Variants in UPP2 observed in about 807,000 individuals in gnomAD.
UPP2 encodes uridine phosphorylase 2.
UPP2 carries 23 observed loss-of-function variants against 26.7 expected under a neutral mutation model. The ratio of observed to expected loss-of-function variants is 0.86; its 90% CI spans 0.62 to 1.22. UPP2 has a LOEUF of 1.22. Among genes scored for constraint, UPP2 ranks in the 50% most tolerant of loss-of-function variants. The pLI, the probability that UPP2 is intolerant of heterozygous loss-of-function variation, is 0.00. For missense variants in UPP2, 387 were observed against 396.7 expected, an observed-to-expected ratio of 0.98 and a Z score of 0.21; for synonymous variants, 127 against 141.3, an observed-to-expected ratio of 0.90 and a Z score of 0.72.
At position 157,995,395 on chromosome 2, in the gene UPP2, T is replaced by A. The variant is rs1055207486; in HGVS notation, c.61+136T>A. 11 of 958,980 alleles carry A rather than the reference T, an allele frequency of 1.1e-5. No homozygotes were observed. The African/African-American group carries it at 1.8e-4, about 16-fold the overall frequency. 59.4% of individuals were successfully genotyped at this position (958,980 alleles called of 1,614,324 possible). On this transcript the variant is annotated intron_variant, in intron 2 of 9. Coordinates refer to the UPP2 transcript ENST00000605860. ...TTCAGCTTCCATCAACTGGCACAAA[T>A]AATTAAGGGATGATGCAACACATAT...
intron 3 of UPP2, among the ~76,000 whole-genome samples, chr2:158,074,440 G>T (rs971271424): frequency 2.6e-5 from 4 of 152,088 alleles, no homozygotes; most frequent in Admixed American, 6.6e-5. Context: ...TAAAGTTAAA[G>T]TGTAGAGTTT....
At chr2:158,018,273 TG>T (rs1683692542) in intron 3 of UPP2, among the ~76,000 whole-genome samples, 1 of 152,246 alleles carries the variant, frequency 6.6e-6, no homozygotes, top group Non-Finnish European at 1.5e-5. Flanking sequence ...AGGGTGCACT[TG>T]TTTACAGAAT....
At chr2:158,082,030 C>T (rs1275873017) in intron 3 of UPP2, among the ~76,000 whole-genome samples, 4 of 151,752 alleles carry the variant, frequency 2.6e-5, no homozygotes, top group Non-Finnish European at 5.9e-5. Context: ...TCACTGCAAC[C>T]TCCACCTCCT....
chr2:158,003,436 G>C (rs1260400761), intron 2 of UPP2, among the ~76,000 whole-genome samples: 3 of 152,132 alleles, frequency 2.0e-5, no homozygotes, highest in Non-Finnish European at 4.4e-5. Flanking sequence ...AGCTGGGCAG[G>C]GTGGCTCATG....
chr2:158,124,207 C>T (rs985402486), intron 6 of UPP2, among the ~76,000 whole-genome samples: 5 of 152,062 alleles, frequency 3.3e-5, no homozygotes, highest in African/African-American at 1.2e-4. Flanking sequence ...TTTATTGAGA[C>T]AAGATACAAA....
chr2:158,013,271 C>T (rs1348892027), intron 2 of UPP2, among the ~76,000 whole-genome samples: 1 of 152,206 alleles, frequency 6.6e-6, no homozygotes, highest in Non-Finnish European at 1.5e-5. Flanking sequence ...GCTGGCATTA[C>T]AGGCATGAGC....
intron 5 of UPP2, among the ~76,000 whole-genome samples, chr2:158,122,675 C>A (rs1332786900): frequency 6.7e-6 from 1 of 149,388 alleles, no homozygotes; most frequent in African/African-American, 2.4e-5. Flanking sequence ...TTAACACCCA[C>A]ATTTCTGGCT....
intron 3 of UPP2, among the ~76,000 whole-genome samples, chr2:158,067,435 A>T (rs947979734): frequency 4.6e-5 from 7 of 151,920 alleles, no homozygotes; most frequent in Admixed American, 4.6e-4. Flanking sequence ...ATCAGGAGTG[A>T]AGACAAAGAA....
chr2:158,019,842 A>G (rs763899666), intron 3 of UPP2, among the ~76,000 whole-genome samples: 1 of 152,162 alleles, frequency 6.6e-6, no homozygotes, highest in Non-Finnish European at 1.5e-5. Context: ...AGTTTTTTAG[A>G]GTGATAGATC....
chr2:158,007,344 A>G (rs1683507345), intron 2 of UPP2, among the ~76,000 whole-genome samples: 1 of 152,174 alleles, frequency 6.6e-6, no homozygotes, highest in African/African-American at 2.4e-5. Context: ...TCCAAGCCCA[A>G]GCTCTTTCCA....
intron 2 of UPP2, among the ~76,000 whole-genome samples, chr2:158,108,298 G>A (rs1683236940): frequency 6.6e-6 from 1 of 151,962 alleles, no homozygotes; most frequent in African/African-American, 2.4e-5. Context: ...GAAAACACAG[G>A]CTCAAATATA....
chr2:158,002,857 T>A (rs1167226413), intron 2 of UPP2, among the ~76,000 whole-genome samples: 2 of 152,238 alleles, frequency 1.3e-5, no homozygotes, highest in Non-Finnish European at 2.9e-5. Flanking sequence ...GTGGTGACTT[T>A]GCTGCTTGGG....
intron 3 of UPP2, among the ~76,000 whole-genome samples, chr2:158,029,206 CTAGTT>C (rs1683885790): frequency 6.6e-6 from 1 of 152,142 alleles, no homozygotes; most frequent in African/African-American, 2.4e-5. Context: ...AACAAAATAT[CTAGTT>C]TAAACTAATA....
intron 3 of UPP2, among the ~76,000 whole-genome samples, chr2:158,089,726 TCAGCTCCAGGTAA>T (rs993506239): frequency 6.6e-6 from 1 of 152,206 alleles, no homozygotes; most frequent in African/African-American, 2.4e-5. Context: ...TAAATTCATC[TCAGCTCCAGGTAA>T]GGTCAAATCC....
chr2:158,072,634 A>C (rs1682560828), intron 3 of UPP2, among the ~76,000 whole-genome samples: 1 of 145,486 alleles, frequency 6.9e-6, no homozygotes, highest in South Asian at 2.1e-4. Flanking sequence ...CAGCACACAG[A>C]GAGAAAGAGA....
intron 3 of UPP2, among the ~76,000 whole-genome samples, chr2:158,046,521 C>T (rs536110460): frequency 4.3e-4 from 65 of 152,184 alleles, no homozygotes; most frequent in African/African-American, 1.3e-3. Context: ...AATAGGGAGA[C>T]GGAGCTACAC....
chr2:158,015,478 T>G (rs1208034633), intron 2 of UPP2, among the ~76,000 whole-genome samples: 2 of 152,236 alleles, frequency 1.3e-5, no homozygotes, highest in African/African-American at 4.8e-5. Context: ...TGTTTATCTA[T>G]TCATCTGTTG....
In UPP2 at chr2:158,102,061, A is replaced by T. The variant is rs1683086894; in HGVS notation, c.-3A>T. On this transcript the variant is annotated 5_prime_UTR_variant, in exon 1 of 7. Transcript: ENST00000005756. The stretch of plus-strand genomic sequence containing the variant: ...TAAGGTGACTTTTCACATAGTAGAG[A>T]GAATGGCTTCAGTTATACCTGCCTC... 6.2e-7 allele frequency: 1 copy of T among 1,613,334 alleles called. No homozygotes were observed. Among genetic ancestry groups the T allele is most frequent in the Admixed American group, 1.7e-5 (1 of 59,952 alleles).
At chr2:158,060,909 G>C in intron 3 of UPP2, among the ~76,000 whole-genome samples, 1 of 152,188 alleles carries the variant, frequency 6.6e-6, no homozygotes, top group Non-Finnish European at 1.5e-5. Context: ...AGAAATAAAT[G>C]TTTGTTCTTT....
Sources: allele counts gnomAD v4.1 joint callset (sites outside exome capture counted in the v4.1 genomes callset), GRCh38; gene constraint gnomAD v4.1.1; transcripts MANE v1.5; gene names NCBI Gene and HGNC (gene_info 2026-07-23, HGNC 2026-07-21).